Variants in SLC35F3 observed in about 807,000 individuals in gnomAD.
The protein encoded by SLC35F3 is solute carrier family 35 member F3.
In SLC35F3, 25 loss-of-function variants were observed where a neutral mutation model predicts 49.9. That is an observed-to-expected ratio of 0.50 (90% CI 0.37 to 0.70). The LOEUF is 0.70. SLC35F3 is among the 30% of genes least tolerant of loss of function. The probability of loss-of-function intolerance (pLI) is 0.00; values close to 1 mark genes in which losing one functional copy is unlikely to be tolerated. For missense variants in SLC35F3, 525 were observed against 639.8 expected (o/e 0.82, Z 1.94); for synonymous variants, 275 against 265.4 (o/e 1.04, Z -0.35).
intron 2 of SLC35F3, among the ~76,000 whole-genome samples, chr1:234,066,166 A>C (rs1664613845): frequency 6.6e-6 from 1 of 152,192 alleles, no homozygotes; most frequent in African/African-American, 2.4e-5. Flanking sequence ...TTTTGTGAAG[A>C]CTGATGAAGA....
At chr1:234,180,302 T>G (rs973821030) in intron 2 of SLC35F3, among the ~76,000 whole-genome samples, 6 of 152,200 alleles carry the variant, frequency 3.9e-5, no homozygotes, top group Non-Finnish European at 7.3e-5. Context: ...GGTGTTTCCT[T>G]GGGTGCAAGT....
At chr1:234,209,213 T>C (rs1209162234) in intron 2 of SLC35F3, among the ~76,000 whole-genome samples, 1 of 152,232 alleles carries the variant, frequency 6.6e-6, no homozygotes, top group African/African-American at 2.4e-5. Flanking sequence ...GTCAGGGGTC[T>C]CAGCTCTCTT....
At chr1:234,232,145 G>A (rs920689663) in intron 3 of SLC35F3, among the ~76,000 whole-genome samples, 2 of 152,150 alleles carry the variant, frequency 1.3e-5, no homozygotes, top group African/African-American at 2.4e-5. Context: ...CTTCCCTCGC[G>A]GAGATGTTCG....
At chr1:234,243,640 T>C (rs1667589098) in intron 3 of SLC35F3, among the ~76,000 whole-genome samples, 1 of 152,156 alleles carries the variant, frequency 6.6e-6, no homozygotes, top group Non-Finnish European at 1.5e-5. Flanking sequence ...ACCTTCTAGG[T>C]TTCCTGGCCA....
At chr1:233,980,904 G>A (rs1362401186) in intron 2 of SLC35F3, among the ~76,000 whole-genome samples, 1 of 152,162 alleles carries the variant, frequency 6.6e-6, no homozygotes, top group Admixed American at 6.5e-5. Context: ...TAATCCTCAT[G>A]ACAAATCTAC....
At chr1:233,920,322 C>T (rs1462246136) in intron 2 of SLC35F3, among the ~76,000 whole-genome samples, 1 of 152,054 alleles carries the variant, frequency 6.6e-6, no homozygotes, top group African/African-American at 2.4e-5. Flanking sequence ...TGCACAAGGT[C>T]GGAGAAAGGA....
At chr1:234,108,713 AAAGATAT>A (rs1665343855) in intron 2 of SLC35F3, among the ~76,000 whole-genome samples, 1 of 72,918 alleles carries the variant, frequency 1.4e-5, no homozygotes, top group Non-Finnish European at 2.4e-5. Flanking sequence ...TATATATATA[AAAGATAT>A]ATATAAATAT....
At chr1:234,303,541 C>T (rs1668725248) in intron 3 of SLC35F3, among the ~76,000 whole-genome samples, 1 of 152,238 alleles carries the variant, frequency 6.6e-6, no homozygotes. Context: ...GCTTGGGAGA[C>T]ACCGCTGTTG....
intron 2 of SLC35F3, among the ~76,000 whole-genome samples, chr1:234,164,131 T>G (rs1572076863): frequency 6.6e-6 from 1 of 151,202 alleles, no homozygotes; most frequent in East Asian, 1.9e-4. Flanking sequence ...CTCTCTCTCC[T>G]TCTCTTTTTC....
At chr1:234,263,461 A>G (rs1215560927) in intron 3 of SLC35F3, among the ~76,000 whole-genome samples, 3 of 152,082 alleles carry the variant, frequency 2.0e-5, no homozygotes, top group Admixed American at 6.5e-5. Context: ...GTCTATATTT[A>G]TGGGCTTTGT....
chr1:234,107,561 A>T (rs1168680264), intron 2 of SLC35F3, among the ~76,000 whole-genome samples: 2 of 152,144 alleles, frequency 1.3e-5, no homozygotes, highest in Non-Finnish European at 2.9e-5. Context: ...CATCATGACT[A>T]GTTCACTATC....
intron 2 of SLC35F3, among the ~76,000 whole-genome samples, chr1:234,115,217 G>A (rs1665468827): frequency 6.6e-6 from 1 of 152,100 alleles, no homozygotes; most frequent in East Asian, 1.9e-4. Flanking sequence ...CCTTTTGAGG[G>A]ACCTCATAAT....
intron 2 of SLC35F3, among the ~76,000 whole-genome samples, chr1:234,117,541 G>A (rs542249188): frequency 3.3e-5 from 5 of 151,114 alleles, no homozygotes; most frequent in South Asian, 2.1e-4. Flanking sequence ...GCAGTGAGCC[G>A]AGATCGCACC....
At chr1:234,095,494 G>A (rs1041791068) in intron 2 of SLC35F3, among the ~76,000 whole-genome samples, 2 of 152,246 alleles carry the variant, frequency 1.3e-5, no homozygotes, top group Non-Finnish European at 2.9e-5. Flanking sequence ...GAAGTGATGT[G>A]ACTGGAGCCA....
At chr1:233,958,099 G>A (rs757992120) in intron 2 of SLC35F3, among the ~76,000 whole-genome samples, 62 of 152,274 alleles carry the variant, frequency 4.1e-4, no homozygotes, top group Middle Eastern at 3.4e-3. Context: ...TCTTAGAGAC[G>A]AGGCAGGACA....
intron 3 of SLC35F3, among the ~76,000 whole-genome samples, chr1:234,286,433 A>G (rs1668421148): frequency 6.6e-6 from 1 of 152,266 alleles, no homozygotes; most frequent in Non-Finnish European, 1.5e-5. Flanking sequence ...ACAGGTGGGA[A>G]AGGGATTTTG....
At chr1:233,926,362 T>G (rs12023226) in intron 2 of SLC35F3, among the ~76,000 whole-genome samples, 48,800 of 151,960 alleles carry the variant, frequency 0.32, 8,440 homozygotes, top group Admixed American at 0.5. Context: ...AAACTTCTCT[T>G]CTTGCTTCAT....
Position 234,231,627 on chromosome 1 carries a change from C to T in SLC35F3, c.494C>T (p.Ala165Val), listed in dbSNP as rs1441140025. The T allele has an allele frequency of 8.1e-6, 13 of 1,614,106 alleles. No homozygotes were observed. The highest frequency in any genetic ancestry group is 8.5e-7 in the Non-Finnish European group (1 of 1,180,024). ...LAKLTFRKFD[A>V]PFTLTWFATN... ...AAGCTGACCTTCAGGAAGTTCGACG[C>T]GCCCTTCACCCTCACGTGGTTTGCC... The change falls in exon 3 of 8, where the codon GCG becomes GTG. Residue 165 changes from alanine (A) to valine (V), a missense_variant. Coordinates refer to ENST00000366618, the MANE Select transcript of SLC35F3 (RefSeq NM_173508.4). This position sits in a 1 kb window ranked among gnomAD's most constrained non-coding sequence, Gnocchi z 5.4.
intron 2 of SLC35F3, among the ~76,000 whole-genome samples, chr1:234,108,211 ATATATATAAAAGATATATATATT>A (rs1213287659): frequency 1.5e-5 from 2 of 132,432 alleles, no homozygotes; most frequent in African/African-American, 5.7e-5. Flanking sequence ...ATATATATTT[ATATATATAAAAGATATATATATT>A]TATATATATA....
Sources: gnomAD v4.1 joint callset for allele counts (sites outside exome capture counted in the v4.1 genomes callset) on GRCh38, gnomAD v4.1.1 for gene constraint, Gnocchi (gnomAD v3.1) non-coding constraint, MANE v1.5 for transcripts, NCBI Gene and HGNC (gene_info 2026-07-23, HGNC 2026-07-21) for gene names.